PRKG1: variants seen among roughly 807,000 people sequenced by gnomAD.
The protein encoded by PRKG1 is protein kinase cGMP-dependent 1.
Under a neutral mutation model 88.1 loss-of-function variants are expected in PRKG1, and 35 were observed. The observed-to-expected ratio is 0.40, with a 90% CI of 0.30 to 0.53. PRKG1 has a LOEUF of 0.53. Among genes scored for constraint, PRKG1 ranks in the 20% least tolerant of loss-of-function variants. PRKG1 has a pLI of 0.59. For missense variants in PRKG1, 540 were observed against 839.8 expected (o/e 0.64, Z 4.41); for synonymous variants, 303 against 292.5 (o/e 1.04, Z -0.37).
intron 2 of PRKG1, among the ~76,000 whole-genome samples, chr10:51,226,867 T>C (rs1157131667): frequency 1.3e-5 from 2 of 152,132 alleles, no homozygotes; most frequent in African/African-American, 4.8e-5. Context: ...CTAAGATTTA[T>C]AGTAGTCTGA....
intron 17 of PRKG1, 88 bp from the exon 18 acceptor site, chr10:52,293,714 G>C: frequency 9.9e-7 from 1 of 1,013,194 alleles, no homozygotes; most frequent in Non-Finnish European, 1.5e-6. Flanking sequence ...GTCACTAATA[G>C]GGAATAAATA....
At position 51,425,899 on chromosome 10, in the gene PRKG1, G is replaced by T. The variant is rs1368447570; in HGVS notation, c.479-41824G>T. ...TGTGTTTTTCATGGCAATTCCGTAG[G>T]CTCTCAATTTTCTTTAACCTTCAAG... On this transcript the variant is annotated intron_variant, in intron 2 of 17. Transcript: ENST00000373980. Among the ~76,000 whole-genome samples the T allele has an allele frequency of 2.0e-5, 3 of 152,142 alleles. No homozygotes were observed. The East Asian group carries it at 5.8e-4, about 29-fold the overall frequency.
intron 5 of PRKG1, among the ~76,000 whole-genome samples, chr10:52,053,918 A>G (rs927410533): frequency 3.3e-5 from 5 of 152,164 alleles, no homozygotes; most frequent in Non-Finnish European, 7.3e-5. Context: ...ATAAAAATCA[A>G]CCTGGTTTCA....
In PRKG1 at chr10:51,554,001, G is replaced by T. The variant is rs540123907; in HGVS notation, c.592+86165G>T. On this transcript the variant is annotated intron_variant, in intron 3 of 17. Coordinates refer to ENST00000373980, the MANE Select transcript of PRKG1 (RefSeq NM_006258.4). ...CATATTATATATGCGTATGTGATACGTGCATATTATATGTGCGTATGTGAT... is the reference window on the plus strand; with the variant it reads ...CATATTATATATGCGTATGTGATACTTGCATATTATATGTGCGTATGTGAT... 2.0e-5 allele frequency among the ~76,000 whole-genome samples: 3 copies of T among 147,438 alleles called. 1 individual carries two copies. The highest frequency in any genetic ancestry group is 7.4e-5 in the African/African-American group (3 of 40,518).
At chr10:51,532,579 G>C (rs1842044998) in intron 3 of PRKG1, among the ~76,000 whole-genome samples, 1 of 152,182 alleles carries the variant, frequency 6.6e-6, no homozygotes, top group African/African-American at 2.4e-5. Flanking sequence ...ACCAGGAAAA[G>C]CTAGTGCTAA....
At chr10:51,892,818 AG>A (rs1437671059) in intron 4 of PRKG1, among the ~76,000 whole-genome samples, 10 of 152,178 alleles carry the variant, frequency 6.6e-5, no homozygotes, top group African/African-American at 2.4e-4. Flanking sequence ...TTGAAGAACA[AG>A]GAGTGGGGGA....
At chr10:51,554,950 A>C (rs1278807263) in intron 3 of PRKG1, among the ~76,000 whole-genome samples, 1 of 151,942 alleles carries the variant, frequency 6.6e-6, no homozygotes, top group Non-Finnish European at 1.5e-5. Context: ...TTGAAATTTC[A>C]AAAGAAAAAA....
intron 12 of PRKG1, among the ~76,000 whole-genome samples, chr10:52,276,047 T>G (rs1841865150): frequency 6.6e-6 from 1 of 152,140 alleles, no homozygotes; most frequent in Admixed American, 6.6e-5. Context: ...ATCCAGAAAC[T>G]TTGCTGAATT....
chr10:51,693,340 A>G (rs1277360245), intron 3 of PRKG1, among the ~76,000 whole-genome samples: 1 of 150,582 alleles, frequency 6.6e-6, no homozygotes, highest in African/African-American at 2.4e-5. Context: ...GTGCTTTTTA[A>G]TAGTATTTAA....
intron 2 of PRKG1, 89 bp from the exon 3 acceptor site, chr10:51,467,634 G>A: frequency 2.1e-6 from 2 of 972,410 alleles, no homozygotes; most frequent in South Asian, 1.8e-5. Flanking sequence ...TTTTACAAAT[G>A]AGCCTAACAC....
At chr10:51,310,305 A>G (rs1412285940) in intron 2 of PRKG1, among the ~76,000 whole-genome samples, 1 of 152,226 alleles carries the variant, frequency 6.6e-6, no homozygotes, top group South Asian at 2.1e-4. Flanking sequence ...CAATATCTTC[A>G]TGTCCTATTG....
At chr10:51,265,971 C>CT (rs1300706694) in intron 2 of PRKG1, among the ~76,000 whole-genome samples, 1 of 152,204 alleles carries the variant, frequency 6.6e-6, no homozygotes, top group Non-Finnish European at 1.5e-5. Context: ...TCAGAGTCAT[C>CT]TAGAAGACTT....
At chr10:51,078,618 T>G (rs976837433) in intron 1 of PRKG1, among the ~76,000 whole-genome samples, 1 of 145,792 alleles carries the variant, frequency 6.9e-6, no homozygotes, top group East Asian at 2.3e-4. Context: ...ATTTATTTAT[T>G]TATTTATTTA....
chr10:51,447,045 A>G (rs1839293423), intron 2 of PRKG1, among the ~76,000 whole-genome samples: 1 of 152,022 alleles, frequency 6.6e-6, no homozygotes, highest in South Asian at 2.1e-4. Flanking sequence ...CAGATTTTTT[A>G]AAAGTAATGT....
intron 2 of PRKG1, among the ~76,000 whole-genome samples, chr10:51,334,999 C>CTTTTTTTTTTTTTTTT (rs918622780): frequency 1.3e-4 from 10 of 78,746 alleles, no homozygotes; most frequent in East Asian, 4.1e-4. Flanking sequence ...TGTCAGGTTT[C>CTTTTTTTTTTTTTTTT]TTTTTTTTTT....
chr10:51,947,567 G>A (rs1023893820), intron 5 of PRKG1, among the ~76,000 whole-genome samples: 6 of 152,134 alleles, frequency 3.9e-5, no homozygotes, highest in Admixed American at 2.6e-4. Flanking sequence ...GCTCAGCCTG[G>A]GAGCTGTAGA....
chr10:51,278,062 C>T (rs1554853830), intron 2 of PRKG1, among the ~76,000 whole-genome samples: 1 of 152,280 alleles, frequency 6.6e-6, no homozygotes, highest in East Asian at 1.9e-4. Context: ...CCAGTTTTTG[C>T]CCATTCATTA....
chr10:52,101,946 A>C (rs1847303191), intron 7 of PRKG1, among the ~76,000 whole-genome samples: 1 of 152,162 alleles, frequency 6.6e-6, no homozygotes, highest in Admixed American at 6.5e-5. Context: ...GCCTAACTCT[A>C]TTTTGTGCAA....
chr10:51,246,374 T>C (rs1213360201), intron 2 of PRKG1, among the ~76,000 whole-genome samples: 1 of 152,006 alleles, frequency 6.6e-6, no homozygotes, highest in African/African-American at 2.4e-5. Context: ...GATAGAGAGA[T>C]AGCACTCCAC....
Sources: gnomAD v4.1 joint callset for allele counts (sites outside exome capture counted in the v4.1 genomes callset) on GRCh38, gnomAD v4.1.1 for gene constraint, MANE v1.5 for transcripts, NCBI Gene and HGNC (gene_info 2026-07-23, HGNC 2026-07-21) for gene names.